The following FHIT variants were observed in gnomAD, a reference collection of about 807,000 sequenced individuals.
FHIT encodes the protein bis(5'-adenosyl)-triphosphatase.
FHIT carries 19 observed loss-of-function variants against 17.9 expected under a neutral mutation model. That is an observed-to-expected ratio of 1.06 (90% CI 0.74 to 1.56). The LOEUF is 1.56. FHIT is among the 40% of genes most tolerant of loss of function. The pLI is 0.00. For missense variants in FHIT, 248 were observed against 189.2 expected (o/e 1.31, Z -1.82); for synonymous variants, 81 against 69.7 (o/e 1.16, Z -0.81).
chr3:60,445,285 A>T (rs2031245753), intron 5 of FHIT, among the ~76,000 whole-genome samples: 1 of 152,080 alleles, frequency 6.6e-6, no homozygotes, highest in Non-Finnish European at 1.5e-5. Context: ...ACATTTTGAG[A>T]ATCACTCTAG....
intron 3 of FHIT, among the ~76,000 whole-genome samples, chr3:61,022,937 G>A (rs1434832522): frequency 1.3e-5 from 2 of 152,156 alleles, no homozygotes; most frequent in African/African-American, 4.8e-5. Flanking sequence ...ACCAGCACAA[G>A]ACAAGGATGC....
At chr3:61,033,981 T>C (rs1198403151) in intron 3 of FHIT, among the ~76,000 whole-genome samples, 1 of 152,196 alleles carries the variant, frequency 6.6e-6, no homozygotes, top group East Asian at 1.9e-4. Context: ...TCTACATAGA[T>C]GCTCAACTAA....
chr3:60,395,919 A>T (rs1401097704), intron 5 of FHIT, among the ~76,000 whole-genome samples: 13 of 152,160 alleles, frequency 8.5e-5, no homozygotes, highest in Non-Finnish European at 1.5e-4. Flanking sequence ...TTCCATCCTT[A>T]AAAAGACACA....
intron 5 of FHIT, among the ~76,000 whole-genome samples, chr3:60,117,366 GAATAT>G (rs1379382402): frequency 6.6e-6 from 1 of 152,100 alleles, no homozygotes; most frequent in East Asian, 1.9e-4. Context: ...TTGAAATTTA[GAATAT>G]AATACTGTAT....
At chr3:61,048,660 T>G (rs1178380429) in intron 2 of FHIT, among the ~76,000 whole-genome samples, 1 of 152,140 alleles carries the variant, frequency 6.6e-6, no homozygotes, top group African/African-American at 2.4e-5. Flanking sequence ...ATCATGCTGC[T>G]ACAAAGACAC....
intron 5 of FHIT, among the ~76,000 whole-genome samples, chr3:60,499,732 G>A (rs1442145959): frequency 3.9e-5 from 6 of 152,014 alleles, no homozygotes; most frequent in African/African-American, 1.4e-4. Flanking sequence ...CTGCCCCTGA[G>A]CCTTTGTTCT....
At chr3:60,130,340 T>A (rs1256740556) in intron 5 of FHIT, among the ~76,000 whole-genome samples, 1 of 152,222 alleles carries the variant, frequency 6.6e-6, no homozygotes, top group African/African-American at 2.4e-5. Context: ...CTTTTCTGCA[T>A]GGCAGGCCTC....
chr3:60,139,509 C>G (rs2107294253), intron 5 of FHIT, among the ~76,000 whole-genome samples: 1 of 152,284 alleles, frequency 6.6e-6, no homozygotes, highest in East Asian at 1.9e-4. Flanking sequence ...CTTTCTCAGC[C>G]TAAGCTAGAT....
chr3:60,675,110 G>A (rs782350193), intron 4 of FHIT, among the ~76,000 whole-genome samples: 2 of 152,180 alleles, frequency 1.3e-5, no homozygotes, highest in Non-Finnish European at 2.9e-5. Context: ...TTGTCTCAAG[G>A]GTCACAGCCC....
chr3:61,000,789 C>G (rs2031024435), intron 3 of FHIT, among the ~76,000 whole-genome samples: 1 of 152,164 alleles, frequency 6.6e-6, no homozygotes, highest in South Asian at 2.1e-4. Context: ...AGCCTGCTCC[C>G]TCTGGTCAAA....
intron 4 of FHIT, among the ~76,000 whole-genome samples, chr3:60,608,630 C>T (rs1435580934): frequency 6.6e-6 from 1 of 152,068 alleles, no homozygotes; most frequent in East Asian, 1.9e-4. Context: ...AGGAACTGGG[C>T]CCAATATCAT....
At chr3:60,781,431 C>A (rs1213576727) in intron 4 of FHIT, among the ~76,000 whole-genome samples, 1 of 151,888 alleles carries the variant, frequency 6.6e-6, no homozygotes, top group Admixed American at 6.6e-5. Context: ...CAATATAGGA[C>A]AAATGGCATA....
intron 7 of FHIT, among the ~76,000 whole-genome samples, chr3:60,002,264 A>G (rs212019): frequency 0.93 from 140,873 of 152,192 alleles, 65,267 homozygotes; most frequent in East Asian, 1. Context: ...ATAAGCCTAG[A>G]ATTTCAAACC....
chr3:60,092,856 T>C (rs1483543327), intron 5 of FHIT, among the ~76,000 whole-genome samples: 1 of 152,186 alleles, frequency 6.6e-6, no homozygotes, highest in African/African-American at 2.4e-5. Flanking sequence ...CCTCATGTAA[T>C]CTCAGGGAGC....
chr3:61,042,387 G>C (rs1211920554), intron 2 of FHIT, among the ~76,000 whole-genome samples: 1 of 152,180 alleles, frequency 6.6e-6, no homozygotes, highest in Non-Finnish European at 1.5e-5. Context: ...AGTGTTCAAA[G>C]ATGAAATCAT....
At chr3:59,862,320 G>A (rs993261827) in intron 8 of FHIT, among the ~76,000 whole-genome samples, 13 of 152,126 alleles carry the variant, frequency 8.5e-5, no homozygotes, top group Admixed American at 1.3e-4. Context: ...AGAACAGCAC[G>A]GGAAAAACCC....
At position 60,311,743 on chromosome 3, in the gene FHIT, C is replaced by T. The variant is rs185767471; in HGVS notation, c.103+225117G>A. ...GTTTGTGAGCTATCATTTGTATGGG[C>T]TCCTTCAGGCCCTCTCAATAAAATG... On this transcript the variant is annotated intron_variant, in intron 5 of 9. Transcript: ENST00000492590. Among the ~76,000 whole-genome samples, 89 of 152,270 alleles carry T rather than the reference C, an allele frequency of 5.8e-4. No homozygotes were observed. In the East Asian group the frequency reaches 0.014, roughly 24 times the overall value.
chr3:60,601,936 G>C (rs1313011137), intron 4 of FHIT, among the ~76,000 whole-genome samples: 1 of 152,014 alleles, frequency 6.6e-6, no homozygotes, highest in Non-Finnish European at 1.5e-5. Context: ...AATAGAAAAA[G>C]TCAAAGCTGA....
At chr3:60,898,626 C>T (rs527716539) in intron 3 of FHIT, among the ~76,000 whole-genome samples, 1 of 152,314 alleles carries the variant, frequency 6.6e-6, no homozygotes, top group Non-Finnish European at 1.5e-5. Context: ...CTCTGTAAAC[C>T]TGTTCCTAGG....
Sources: allele counts gnomAD v4.1 joint callset (sites outside exome capture counted in the v4.1 genomes callset), GRCh38; gene constraint gnomAD v4.1.1; transcripts MANE v1.5; gene names NCBI Gene and HGNC (gene_info 2026-07-23, HGNC 2026-07-21).